The following ULK1 variants were observed in gnomAD, a reference collection of about 807,000 sequenced individuals.
ULK1 encodes the protein unc-51 like autophagy activating kinase 1.
In ULK1, 48 loss-of-function variants were observed where a neutral mutation model predicts 117.5. The observed-to-expected ratio is 0.41, with a 90% confidence interval of 0.32 to 0.52. The LOEUF is 0.52. Ranked by LOEUF, ULK1 falls within the 20% of genes least tolerant of loss-of-function variation. ULK1 has a pLI of 0.29. For synonymous variants in ULK1, 790 were observed against 637.8 expected (o/e 1.24, Z -3.60); for missense variants, 1,387 against 1,473.4 (o/e 0.94, Z 0.96).
At chr12:131,909,096 G>T in intron 7 of ULK1, 40 bp from the exon 8 acceptor site, 6 of 1,600,236 alleles carry the variant, frequency 3.7e-6, no homozygotes, top group Non-Finnish European at 5.1e-6. Context: ...TGTGGTTGGC[G>T]TGCGGGGGCC....
intron 3 of ULK1, among the ~76,000 whole-genome samples, chr12:131,905,010 C>G (rs1051159535): frequency 2.0e-5 from 3 of 152,130 alleles, no homozygotes; most frequent in Non-Finnish European, 4.4e-5. Context: ...CCTGGGCAGG[C>G]AGGTGAGGCC....
chr12:131,898,725 C>A (rs1006544469), intron 3 of ULK1, among the ~76,000 whole-genome samples: 1 of 151,700 alleles, frequency 6.6e-6, no homozygotes, highest in Non-Finnish European at 1.5e-5. Flanking sequence ...TGGTCTCGAA[C>A]TGACCTCATG....
At chr12:131,897,933 CCTCT>C (rs1485547823) in intron 3 of ULK1, 1 of 152,160 alleles carries the variant, frequency 6.6e-6, no homozygotes, top group Non-Finnish European at 1.5e-5. Flanking sequence ...AAAGTTTACC[CCTCT>C]CTGTTAGAGG....
At chr12:131,917,686 C>T (rs1889925072) in intron 22 of ULK1, 132 bp downstream of exon 22, 1 of 966,966 alleles carries the variant, frequency 1.0e-6, no homozygotes, top group Non-Finnish European at 1.4e-6. Context: ...GGAAGCAGCT[C>T]AGGCCCCTGA....
chr12:131,900,376 A>ATTTAGCC, intron 3 of ULK1, among the ~76,000 whole-genome samples: 1 of 152,304 alleles, frequency 6.6e-6, no homozygotes, highest in East Asian at 1.9e-4. Context: ...TAGCCATACA[A>ATTTAGCC]AATTGTGAAA....
chr12:131,921,558 G>C lies in ULK1; in HGVS notation c.*197G>C. ...CAGCACATCTGGAGCCACACAGCTT[G>C]GGGGGTGTCTCCCATCTTTTACAGG... On this transcript the variant is annotated 3_prime_UTR_variant, in exon 28 of 28. Transcript: ENST00000321867. The C allele has an allele frequency of 1.3e-6, 1 of 752,696 alleles. No individual in the cohort carries two copies. The highest frequency in any genetic ancestry group is 3.9e-4 in the Middle Eastern group (1 of 2,562). 46.6% of individuals were successfully genotyped at this position (752,696 alleles called of 1,614,324 possible).
chr12:131,920,458 G>A (rs1040264797), intron 26 of ULK1: 16 of 348,272 alleles, frequency 4.6e-5, no homozygotes, highest in Middle Eastern at 1.7e-3. Context: ...ACCTGGTCCC[G>A]GACAACCTGC....
chr12:131,919,651 G>C (rs1480339873), intron 25 of ULK1, 61 bp downstream of exon 25: 2 of 1,569,300 alleles, frequency 1.3e-6, no homozygotes, highest in African/African-American at 1.3e-5. Flanking sequence ...CCTTGCAACT[G>C]CCTGGGTGAC....
intron 7 of ULK1, 38 bp downstream of exon 7, chr12:131,909,009 C>G (rs1889401677): frequency 1.2e-6 from 2 of 1,612,648 alleles, no homozygotes. Flanking sequence ...GGGTGGGCGC[C>G]TCTCTGGGCT....
In ULK1 at chr12:131,895,107, C is replaced by T. The variant is rs1303571759; in HGVS notation, c.106C>T (p.Arg36Cys). 6 of 1,552,818 alleles carry T rather than the reference C, an allele frequency of 3.9e-6. No individual in the cohort carries two copies. The African/African-American group carries it at 6.9e-5, about 18-fold the overall frequency. The change falls in exon 1 of 28, where the codon CGC becomes TGC. Residue 36 changes from arginine to cysteine, a missense_variant. Transcript: ENST00000321867. ...AFAVVFKGRH[R>C]EKHDLEVAVK... ...CGCGGTGGTCTTCAAGGGCCGCCAC[C>T]GCGAGGTGAGGCCCCCGTCCGGCCC...
intron 22 of ULK1, among the ~76,000 whole-genome samples, chr12:131,917,936 G>T (rs947930731): frequency 1.3e-5 from 2 of 152,192 alleles, no homozygotes; most frequent in African/African-American, 4.8e-5. Flanking sequence ...CGTGCCCCTC[G>T]GTTCCCCAGC....
chr12:131,911,131 C>CAA (rs1461004182), intron 12 of ULK1, among the ~76,000 whole-genome samples: 1 of 152,220 alleles, frequency 6.6e-6, no homozygotes, highest in Non-Finnish European at 1.5e-5. Flanking sequence ...CCATTGGACT[C>CAA]AAAGCATGAG....
intron 5 of ULK1, among the ~76,000 whole-genome samples, chr12:131,907,739 G>C (rs1421747582): frequency 1.3e-5 from 2 of 152,166 alleles, no homozygotes; most frequent in Non-Finnish European, 2.9e-5. Flanking sequence ...CCCTCCGCTG[G>C]CCTCCCCCTT....
Position 131,919,596 on chromosome 12 carries a change from G to A in ULK1, c.2803+6G>A. 3 of 1,610,658 alleles carry A rather than the reference G, an allele frequency of 1.9e-6. No individual in the cohort carries two copies. The highest frequency in any genetic ancestry group is 8.5e-7 in the Non-Finnish European group (1 of 1,179,264). ...GTCGTCCACTGTGAAGCAGGGTGAGGGCTGCGACCGCTCAGCCCACATGCC... is the reference window on the plus strand; with the variant it reads ...GTCGTCCACTGTGAAGCAGGGTGAGAGCTGCGACCGCTCAGCCCACATGCC... On this transcript the variant is annotated splice_donor_region_variant and intron_variant, in intron 25 of 27. Transcript: ENST00000321867.
At chr12:131,914,580 T>C in intron 16 of ULK1, 103 bp downstream of exon 16, 1 of 1,452,724 alleles carries the variant, frequency 6.9e-7, no homozygotes, top group Non-Finnish European at 9.2e-7. Flanking sequence ...CCATGTGCAG[T>C]TGTGCAGGCT....
At chr12:131,919,074 C>A in intron 23 of ULK1, 138 bp from the exon 24 acceptor site, 1 of 945,094 alleles carries the variant, frequency 1.1e-6, no homozygotes, top group Non-Finnish European at 1.5e-6. Flanking sequence ...TCGGGCGTGG[C>A]ACATCCCAGC....
At chr12:131,907,018 G>A (rs967739944) in intron 4 of ULK1, 94 bp downstream of exon 4, 102 of 1,548,920 alleles carry the variant, frequency 6.6e-5, no homozygotes, top group South Asian at 4.2e-4. Flanking sequence ...AGGGTGATGA[G>A]CACCTTTTCT....
chr12:131,905,435 G>C (rs896681562), intron 3 of ULK1, among the ~76,000 whole-genome samples: 3 of 152,092 alleles, frequency 2.0e-5, no homozygotes, highest in South Asian at 2.1e-4. Flanking sequence ...TGTTCCTCCT[G>C]CAGACCCCCT....
chr12:131,916,344 GC>G, intron 19 of ULK1, 53 bp from the exon 20 acceptor site: 1 of 1,525,258 alleles, frequency 6.6e-7, no homozygotes, highest in Non-Finnish European at 8.8e-7. Flanking sequence ...CAGGCACCGG[GC>G]CCCAGGGCTG....
Sources: allele counts gnomAD v4.1 joint callset (sites outside exome capture counted in the v4.1 genomes callset), GRCh38; gene constraint gnomAD v4.1.1; transcripts MANE v1.5; gene names NCBI Gene and HGNC (gene_info 2026-07-23, HGNC 2026-07-21).